ST6GALNAC3: variants seen among roughly 807,000 people sequenced by gnomAD.
ST6GALNAC3 encodes the protein ST6 N-acetylgalactosaminide alpha-2,6-sialyltransferase 3, also known as alpha-N-acetylgalactosaminide alpha-2,6-sialyltransferase 3.
In ST6GALNAC3, 25 loss-of-function variants were observed where a neutral mutation model predicts 32.7. The ratio of observed to expected loss-of-function variants is 0.76; its 90% CI spans 0.56 to 1.07. ST6GALNAC3 has a LOEUF of 1.07. ST6GALNAC3 is among the 50% of genes least tolerant of loss of function. The pLI is 0.00. For missense variants in ST6GALNAC3, 355 were observed against 382.4 expected (o/e 0.93, Z 0.60); for synonymous variants, 129 against 133.1 (o/e 0.97, Z 0.21).
At chr1:76,343,343 C>T (rs767227098) in intron 2 of ST6GALNAC3, among the ~76,000 whole-genome samples, 2 of 152,060 alleles carry the variant, frequency 1.3e-5, no homozygotes, top group Non-Finnish European at 2.9e-5. Flanking sequence ...AGTAACAGAA[C>T]ATCTTTTGTA....
intron 1 of ST6GALNAC3, among the ~76,000 whole-genome samples, chr1:76,295,216 T>C (rs556463443): frequency 1.3e-5 from 2 of 152,236 alleles, no homozygotes; most frequent in Admixed American, 1.3e-4. Flanking sequence ...ATAGGTATGT[T>C]CTTTGATATC....
chr1:76,230,933 A>G (rs1281017428), intron 1 of ST6GALNAC3, among the ~76,000 whole-genome samples: 1 of 152,238 alleles, frequency 6.6e-6, no homozygotes, highest in East Asian at 1.9e-4. Context: ...TTCATTGTTT[A>G]TGCACGCACA....
intron 1 of ST6GALNAC3, among the ~76,000 whole-genome samples, chr1:76,132,850 T>C (rs1342785886): frequency 6.6e-6 from 1 of 152,164 alleles, no homozygotes; most frequent in Non-Finnish European, 1.5e-5. Context: ...TTCATCTACG[T>C]CCTGTCTGGG....
At chr1:76,327,158 G>T (rs745565471) in intron 2 of ST6GALNAC3, among the ~76,000 whole-genome samples, 1 of 151,884 alleles carries the variant, frequency 6.6e-6, no homozygotes, top group Non-Finnish European at 1.5e-5. Flanking sequence ...AACTTCTCAA[G>T]GTTGTATTTT....
intron 3 of ST6GALNAC3, among the ~76,000 whole-genome samples, chr1:76,460,408 C>G (rs895509573): frequency 2.0e-5 from 3 of 152,098 alleles, no homozygotes; most frequent in African/African-American, 7.2e-5. Context: ...AATCACACAA[C>G]TTGGGAAAGT....
At chr1:76,162,238 C>T (rs973944895) in intron 1 of ST6GALNAC3, among the ~76,000 whole-genome samples, 3 of 152,068 alleles carry the variant, frequency 2.0e-5, no homozygotes, top group African/African-American at 7.2e-5. Flanking sequence ...TAAGATAATC[C>T]ATGTAAAAGA....
chr1:76,626,647 C>T (rs1249069487), intron 3 of ST6GALNAC3, among the ~76,000 whole-genome samples: 8 of 151,836 alleles, frequency 5.3e-5, no homozygotes, highest in African/African-American at 1.9e-4. Flanking sequence ...CTCATGTGGT[C>T]CAAGTGGCTT....
intron 2 of ST6GALNAC3, among the ~76,000 whole-genome samples, chr1:76,338,340 G>A (rs1647672870): frequency 6.6e-6 from 1 of 152,138 alleles, no homozygotes; most frequent in Non-Finnish European, 1.5e-5. Context: ...GCAGGATGGG[G>A]AAGCACTTTA....
intron 2 of ST6GALNAC3, among the ~76,000 whole-genome samples, chr1:76,319,689 A>C (rs950976414): frequency 6.6e-6 from 1 of 152,230 alleles, no homozygotes; most frequent in African/African-American, 2.4e-5. Context: ...TTTAATTGTT[A>C]ATTAAAATCC....
At chr1:76,318,356 G>A (rs761989813) in intron 2 of ST6GALNAC3, among the ~76,000 whole-genome samples, 10 of 152,088 alleles carry the variant, frequency 6.6e-5, no homozygotes, top group Non-Finnish European at 1.2e-4. Context: ...ATGAGTGTAA[G>A]CTAAGGTTCT....
At chr1:76,236,202 C>T (rs1473096005) in intron 1 of ST6GALNAC3, among the ~76,000 whole-genome samples, 1 of 152,148 alleles carries the variant, frequency 6.6e-6, no homozygotes, top group Non-Finnish European at 1.5e-5. Context: ...CCCGCCTCGG[C>T]CTCCCAAAGT....
rs1397675873 is a variant in ST6GALNAC3, at chr1:76,296,971, T to C, written c.19-16834T>C. ...TATTTTCTTGTCACAAAAGTATTACTAATATTTTGTATTAAATGGTCATTG... is the reference window on the plus strand; with the variant it reads ...TATTTTCTTGTCACAAAAGTATTACCAATATTTTGTATTAAATGGTCATTG... On this transcript the variant is annotated intron_variant, in intron 1 of 4. Coordinates refer to ENST00000328299, the MANE Select transcript of ST6GALNAC3 (RefSeq NM_152996.4). Among the ~76,000 whole-genome samples the C allele has an allele frequency of 7.2e-5, 11 of 152,186 alleles. No homozygotes were observed. The East Asian group carries it at 1.7e-3, about 24-fold the overall frequency.
chr1:76,344,265 T>C (rs1364219812), intron 2 of ST6GALNAC3, among the ~76,000 whole-genome samples: 1 of 152,166 alleles, frequency 6.6e-6, no homozygotes, highest in Non-Finnish European at 1.5e-5. Flanking sequence ...TTACTCTGGC[T>C]CTTCTGGGAA....
chr1:76,617,612 G>A (rs1188521248), intron 3 of ST6GALNAC3, among the ~76,000 whole-genome samples: 1 of 152,120 alleles, frequency 6.6e-6, no homozygotes, highest in African/African-American at 2.4e-5. Flanking sequence ...ATAAAACTAG[G>A]ATGAGATCAA....
At chr1:76,123,504 G>A (rs114959579) in intron 1 of ST6GALNAC3, among the ~76,000 whole-genome samples, 15 of 152,108 alleles carry the variant, frequency 9.9e-5, no homozygotes, top group South Asian at 2.1e-4. Flanking sequence ...AGAGAGGAGC[G>A]TCCACTCTAA....
chr1:76,429,040 T>G (rs1424291182), intron 3 of ST6GALNAC3, among the ~76,000 whole-genome samples: 2 of 152,128 alleles, frequency 1.3e-5, no homozygotes, highest in African/African-American at 4.8e-5. Flanking sequence ...TTTCTCAGAT[T>G]GTGTCATGTT....
intron 2 of ST6GALNAC3, among the ~76,000 whole-genome samples, chr1:76,368,113 T>C (rs1650523664): frequency 1.3e-5 from 2 of 152,090 alleles, no homozygotes; most frequent in Non-Finnish European, 2.9e-5. Flanking sequence ...TTTTTTTTTC[T>C]GTGAAGACCA....
chr1:76,103,229 G>A (rs1407256525), intron 1 of ST6GALNAC3, among the ~76,000 whole-genome samples: 2 of 151,138 alleles, frequency 1.3e-5, no homozygotes, highest in African/African-American at 2.4e-5. Flanking sequence ...TCTGAGGCCT[G>A]ATATCTTTCT....
intron 1 of ST6GALNAC3, among the ~76,000 whole-genome samples, chr1:76,083,517 T>C (rs1315409492): frequency 6.6e-6 from 1 of 152,254 alleles, no homozygotes; most frequent in Admixed American, 6.5e-5. Flanking sequence ...CTAGACCGAC[T>C]CTGAGTCCCA....
Sources: allele counts gnomAD v4.1 joint callset (sites outside exome capture counted in the v4.1 genomes callset), GRCh38; gene constraint gnomAD v4.1.1; transcripts MANE v1.5; gene names NCBI Gene and HGNC (gene_info 2026-07-23, HGNC 2026-07-21).